SEMA6A: variants seen among roughly 807,000 people sequenced by gnomAD.
SEMA6A encodes the protein semaphorin 6A.
SEMA6A carries 25 observed loss-of-function variants against 96.8 expected under a neutral mutation model. That is an observed-to-expected ratio of 0.26 (90% confidence interval 0.19 to 0.36). SEMA6A has a LOEUF of 0.36. Among genes scored for constraint, SEMA6A ranks in the 10% least tolerant of loss-of-function variants. The probability of loss-of-function intolerance (pLI) is 1.00; values close to 1 mark genes in which losing one functional copy is unlikely to be tolerated. For synonymous variants in SEMA6A, 612 were observed against 518.0 expected, an observed-to-expected ratio of 1.18 and a Z score of -2.46; for missense variants, 1,363 against 1,323.1, an observed-to-expected ratio of 1.03 and a Z score of -0.47.
rs1754069702 is a variant in SEMA6A, at chr5:116,444,547, C to T, written c.*2066G>A. ...CTGCTCATGGTTTACAGTATGTGGA[C>T]AGTTCCTTTGTTCATGATAGAGTAA... On this transcript the variant is annotated 3_prime_UTR_variant, in exon 19 of 19. Transcript: ENST00000343348. The T allele has an allele frequency of 6.6e-6, 1 of 152,618 alleles. No homozygotes were observed. The highest frequency in any genetic ancestry group is 1.5e-5 in the Non-Finnish European group (1 of 68,036). The allele number at this position is 152,618 out of a possible 1,614,324, so 9.5% of individuals were successfully genotyped here.
intron 11 of SEMA6A, among the ~76,000 whole-genome samples, chr5:116,481,928 C>T (rs1310478127): frequency 1.3e-5 from 2 of 152,170 alleles, no homozygotes; most frequent in African/African-American, 4.8e-5. Flanking sequence ...AGACCAGAGA[C>T]ATCTTAATGG....
chr5:116,454,677 T>G (rs989401294), intron 18 of SEMA6A, among the ~76,000 whole-genome samples: 10 of 152,272 alleles, frequency 6.6e-5, no homozygotes, highest in Middle Eastern at 3.4e-3. Context: ...GGAAGCAGCC[T>G]TCTTCTTGTC....
At chr5:116,478,197 C>CT in intron 13 of SEMA6A, 43 bp from the exon 14 acceptor site, 1 of 1,597,148 alleles carries the variant, frequency 6.3e-7, no homozygotes, top group Non-Finnish European at 8.5e-7. Flanking sequence ...AGACTCTTCT[C>CT]TTTTTCTCGG....
chr5:116,528,845 G>A (rs1401926270), intron 1 of SEMA6A, among the ~76,000 whole-genome samples: 1 of 152,182 alleles, frequency 6.6e-6, no homozygotes, highest in African/African-American at 2.4e-5. Flanking sequence ...CCGTTCTACC[G>A]CTGTGAATGG....
chr5:116,493,925 A>G (rs1023556987), intron 6 of SEMA6A, among the ~76,000 whole-genome samples: 3 of 152,112 alleles, frequency 2.0e-5, no homozygotes, highest in African/African-American at 7.2e-5. Flanking sequence ...ATACTGTGCA[A>G]AATGGAGCCC....
Position 116,478,038 on chromosome 5 carries a change from C to T in SEMA6A, c.1544G>A (p.Cys515Tyr), listed in dbSNP as rs1210305745. The T allele has an allele frequency of 6.2e-7, 1 of 1,613,980 alleles. No homozygotes were observed. ...TCVIKVPLGR[C>Y]ERHGKCKKTC... Reference sequence around the variant, plus strand: ...CTTTTTACACTTCCCATGTCGTTCACACCGGCCAAGGGGAACCTTTATCAC... The same window carrying T: ...CTTTTTACACTTCCCATGTCGTTCATACCGGCCAAGGGGAACCTTTATCAC... The change falls in exon 14 of 19, where the codon TGT becomes TAT. Residue 515 changes from cysteine to tyrosine, a missense_variant. By Grantham distance (194) the Cys-to-Tyr change is radical. This residue lies in a region of SEMA6A where 883 missense variants were observed against 763.6 expected (regional missense o/e 1.16). Coordinates refer to ENST00000343348, the MANE Select transcript of SEMA6A (RefSeq NM_020796.5).
At chr5:116,490,406 A>G (rs1580428547) in intron 7 of SEMA6A, among the ~76,000 whole-genome samples, 1 of 152,240 alleles carries the variant, frequency 6.6e-6, no homozygotes, top group South Asian at 2.1e-4. Context: ...CTGGCCCTAC[A>G]GTTAAATTTA....
chr5:116,548,523 G>A (rs1760277026), intron 1 of SEMA6A, among the ~76,000 whole-genome samples: 1 of 152,158 alleles, frequency 6.6e-6, no homozygotes, highest in Non-Finnish European at 1.5e-5. Flanking sequence ...AACTTATGGT[G>A]TATAAATATA....
intron 1 of SEMA6A, among the ~76,000 whole-genome samples, chr5:116,534,358 A>G (rs1759620265): frequency 1.3e-5 from 2 of 152,170 alleles, no homozygotes; most frequent in African/African-American, 4.8e-5. Context: ...TTATAACAAC[A>G]CACAGACTCC....
At chr5:116,498,862 T>G (rs1422424866) in intron 3 of SEMA6A, 1 of 152,222 alleles carries the variant, frequency 6.6e-6, no homozygotes, top group Admixed American at 6.5e-5. Flanking sequence ...AAGTTTGAGC[T>G]GAACATATGA....
intron 18 of SEMA6A, among the ~76,000 whole-genome samples, chr5:116,464,293 C>T (rs1170964512): frequency 6.6e-6 from 1 of 152,128 alleles, no homozygotes; most frequent in African/African-American, 2.4e-5. Flanking sequence ...GCTCTAGAGG[C>T]TCCAGACATC....
At chr5:116,473,724 G>T (rs1756292660) in intron 16 of SEMA6A, among the ~76,000 whole-genome samples, 1 of 152,118 alleles carries the variant, frequency 6.6e-6, no homozygotes, top group African/African-American at 2.4e-5. Context: ...CAGTTATAAT[G>T]ATTGTACCAG....
At chr5:116,477,776 C>T (rs1173340471) in intron 15 of SEMA6A, 70 bp downstream of exon 15, 2 of 1,484,340 alleles carry the variant, frequency 1.3e-6, no homozygotes, top group Non-Finnish European at 1.9e-6. Context: ...GTGAGCAGAG[C>T]AAATCTTACA....
intron 5 of SEMA6A, chr5:116,495,988 C>T: frequency 2.4e-6 from 1 of 412,264 alleles, no homozygotes; most frequent in Non-Finnish European, 4.4e-6. Context: ...GAAGACAAGA[C>T]TCTGGGCAGC....
intron 1 of SEMA6A, among the ~76,000 whole-genome samples, chr5:116,558,167 T>G (rs1295633087): frequency 6.6e-6 from 1 of 152,232 alleles, no homozygotes; most frequent in African/African-American, 2.4e-5. Flanking sequence ...TGTTTTCCTT[T>G]TGTTACTCAG....
Position 116,470,252 on chromosome 5 carries a change from A to C in SEMA6A, c.1730-2505T>G, listed in dbSNP as rs534517973. Reference sequence around the variant, plus strand: ...ATTCCATCTTCTAGTCTGATTTTTAAGGTTGTATTATTTTTGTGCATTCCC... The same window carrying C: ...ATTCCATCTTCTAGTCTGATTTTTACGGTTGTATTATTTTTGTGCATTCCC... On this transcript the variant is annotated intron_variant, in intron 17 of 18. Transcript: ENST00000343348. Among the ~76,000 whole-genome samples, 18 of 152,302 alleles carry C rather than the reference A, an allele frequency of 1.2e-4. No individual in the cohort carries two copies. In the South Asian group the frequency reaches 2.1e-3, roughly 18 times the overall value.
chr5:116,496,701 C>T lies in SEMA6A; in HGVS notation c.280-388G>A, dbSNP rs1001343028. Among the ~76,000 whole-genome samples, 6 of 152,110 alleles carry T rather than the reference C, an allele frequency of 3.9e-5. No homozygotes were observed. The East Asian group carries it at 7.7e-4, about 20-fold the overall frequency. On this transcript the variant is annotated intron_variant, in intron 4 of 18. Transcript: ENST00000343348. ...GATAAATCAATTTTTATAAAGAAGGCTTTTTTCTTAAAATACAGAAGTCAT... is the reference window on the plus strand; with the variant it reads ...GATAAATCAATTTTTATAAAGAAGGTTTTTTTCTTAAAATACAGAAGTCAT...
In SEMA6A at chr5:116,545,902, G is replaced by T. The variant is rs150175154; in HGVS notation, c.-39+28283C>A. Among the ~76,000 whole-genome samples, 56 of 152,236 alleles carry T rather than the reference G, an allele frequency of 3.7e-4. No homozygotes were observed. The East Asian group carries it at 7.3e-3, about 20-fold the overall frequency. On this transcript the variant is annotated intron_variant, in intron 1 of 18. Coordinates refer to ENST00000343348, the MANE Select transcript of SEMA6A (RefSeq NM_020796.5). ...CATCTTCATGGCCCTATCTAGTTCT[G>T]CCATTCATCATAACTCTGCAGGGTT...
chr5:116,478,984 T>A (rs947434214), intron 12 of SEMA6A, among the ~76,000 whole-genome samples: 1 of 151,436 alleles, frequency 6.6e-6, no homozygotes, highest in Admixed American at 6.6e-5. Flanking sequence ...AGTACTATAA[T>A]AGCCAAAACC....
Sources: allele counts gnomAD v4.1 joint callset (sites outside exome capture counted in the v4.1 genomes callset), GRCh38; gene constraint gnomAD v4.1.1; regional missense constraint gnomAD v4.1.1; transcripts MANE v1.5; gene names NCBI Gene and HGNC (gene_info 2026-07-23, HGNC 2026-07-21).